SRBD1: variants seen among roughly 807,000 people sequenced by gnomAD.
SRBD1 encodes the protein S1 RNA binding domain 1.
In SRBD1, 88 loss-of-function variants were observed where a neutral mutation model predicts 115.3. The ratio of observed to expected loss-of-function variants is 0.76; its 90% confidence interval spans 0.64 to 0.91. The LOEUF (loss-of-function observed/expected upper bound fraction) is 0.91. Ranked by LOEUF, SRBD1 falls within the 40% of genes least tolerant of loss-of-function variation. SRBD1 has a pLI of 0.00. For synonymous variants in SRBD1, 509 were observed against 407.7 expected (o/e 1.25, Z -2.99); for missense variants, 1,385 against 1,177.4 (o/e 1.18, Z -2.58).
intron 11 of SRBD1, among the ~76,000 whole-genome samples, chr2:45,551,605 C>T (rs558273982): frequency 2.0e-5 from 3 of 152,056 alleles, no homozygotes; most frequent in African/African-American, 7.2e-5. Context: ...ATTTGAATGT[C>T]ACATGGGATG....
At chr2:45,597,111 G>A (rs540781886) in intron 4 of SRBD1, among the ~76,000 whole-genome samples, 1 of 152,128 alleles carries the variant, frequency 6.6e-6, no homozygotes, top group East Asian at 1.9e-4. Context: ...CAGCCAATCA[G>A]ACTTTCTTCT....
intron 15 of SRBD1, among the ~76,000 whole-genome samples, chr2:45,480,234 T>C (rs1368585458): frequency 1.3e-5 from 2 of 152,190 alleles, no homozygotes; most frequent in African/African-American, 4.8e-5. Flanking sequence ...TAATTTTGAC[T>C]TTCAAGTCTT....
At chr2:45,498,806 T>C (rs183227902) in intron 14 of SRBD1, among the ~76,000 whole-genome samples, 349 of 152,306 alleles carry the variant, frequency 2.3e-3, no homozygotes, top group Non-Finnish European at 3.8e-3. Flanking sequence ...CCATCCAGGC[T>C]GCTGCAAATG....
intron 15 of SRBD1, among the ~76,000 whole-genome samples, chr2:45,486,999 G>A (rs976883870): frequency 1.3e-5 from 2 of 152,112 alleles, no homozygotes; most frequent in African/African-American, 4.8e-5. Context: ...CTGAGCTGCT[G>A]TGCTAAGAAG....
intron 15 of SRBD1, among the ~76,000 whole-genome samples, chr2:45,479,360 T>C (rs1009064693): frequency 6.6e-6 from 1 of 152,224 alleles, no homozygotes; most frequent in Non-Finnish European, 1.5e-5. Flanking sequence ...GGTAGGCCTC[T>C]TGGGTCAGTT....
At chr2:45,436,780 A>C (rs1336337052) in intron 16 of SRBD1, among the ~76,000 whole-genome samples, 3 of 152,158 alleles carry the variant, frequency 2.0e-5, no homozygotes, top group Non-Finnish European at 4.4e-5. Flanking sequence ...TCATGATGAG[A>C]TTTGGGTGGG....
chr2:45,541,834 G>A (rs1486442821), intron 14 of SRBD1, among the ~76,000 whole-genome samples: 2 of 152,254 alleles, frequency 1.3e-5, no homozygotes. Context: ...GTCTGGCTGA[G>A]TCCAGGGTTT....
At chr2:45,582,707 C>T (rs1673402560) in intron 5 of SRBD1, among the ~76,000 whole-genome samples, 2 of 152,132 alleles carry the variant, frequency 1.3e-5, no homozygotes. Context: ...TGACATGTAT[C>T]TGTCATTCTG....
chr2:45,551,176 C>T lies in SRBD1; in HGVS notation c.1624G>A (p.Val542Met), dbSNP rs1672285906. The change falls in exon 12 of 21, where the codon GTG becomes ATG. Residue 542 changes from valine (V) to methionine (M), a missense_variant. Val to Met is a conservative substitution (Grantham distance 21, BLOSUM62 1). Transcript: ENST00000263736. ...SPVPGRTLMG[V>M]DPGYKHGCKL... ...CAACCATGTTTATAACCAGGATCCA[C>T]TCCCATTAAGGTGCGCCCTGGAACA... 1.2e-6 allele frequency: 2 copies of T among 1,611,488 alleles called. No individual in the cohort carries two copies. Among genetic ancestry groups the T allele is most frequent in the Non-Finnish European group, 1.7e-6 (2 of 1,179,432 alleles).
chr2:45,506,776 A>G (rs1670812010), intron 14 of SRBD1, among the ~76,000 whole-genome samples: 1 of 152,208 alleles, frequency 6.6e-6, no homozygotes, highest in Admixed American at 6.5e-5. Flanking sequence ...TCTCACACGT[A>G]TGTTCTACAG....
intron 14 of SRBD1, among the ~76,000 whole-genome samples, chr2:45,543,084 G>A (rs954655861): frequency 6.6e-6 from 1 of 152,130 alleles, no homozygotes; most frequent in Non-Finnish European, 1.5e-5. Flanking sequence ...TTAAACAAAT[G>A]ACCCATAAAA....
chr2:45,444,651 G>T (rs999727826), intron 16 of SRBD1, among the ~76,000 whole-genome samples: 7 of 152,144 alleles, frequency 4.6e-5, no homozygotes, highest in African/African-American at 1.4e-4. Context: ...TTCTTCTTTA[G>T]TTAAAAATAA....
chr2:45,597,277 A>G (rs1400532941), intron 4 of SRBD1, among the ~76,000 whole-genome samples: 2 of 152,046 alleles, frequency 1.3e-5, no homozygotes, highest in African/African-American at 4.8e-5. Flanking sequence ...AAAATTAGCC[A>G]GGCGTGGTGG....
intron 16 of SRBD1, among the ~76,000 whole-genome samples, chr2:45,462,908 A>T (rs1669362850): frequency 6.7e-6 from 1 of 149,498 alleles, no homozygotes; most frequent in Non-Finnish European, 1.5e-5. Context: ...GTTGTTCAAA[A>T]CGACAACACA....
chr2:45,525,373 T>C (rs1671409292), intron 14 of SRBD1, among the ~76,000 whole-genome samples: 1 of 151,994 alleles, frequency 6.6e-6, no homozygotes, highest in Admixed American at 6.6e-5. Flanking sequence ...TGGCATAAAA[T>C]ATCTGCAAAT....
intron 9 of SRBD1, among the ~76,000 whole-genome samples, chr2:45,564,736 C>T (rs1672773878): frequency 1.3e-5 from 2 of 152,108 alleles, no homozygotes; most frequent in Non-Finnish European, 2.9e-5. Flanking sequence ...GTTTAAACTG[C>T]ATGTGTTGAC....
intron 19 of SRBD1, among the ~76,000 whole-genome samples, chr2:45,408,321 G>A (rs1430738437): frequency 1.3e-5 from 2 of 152,184 alleles, no homozygotes; most frequent in South Asian, 4.1e-4. Flanking sequence ...GGATAATGGG[G>A]ATGGTAAGAT....
At chr2:45,410,252 AC>A (rs1480060394) in intron 19 of SRBD1, among the ~76,000 whole-genome samples, 3 of 152,226 alleles carry the variant, frequency 2.0e-5, no homozygotes, top group African/African-American at 7.2e-5. Flanking sequence ...ATGTCACATG[AC>A]AAAAATGCAA....
intron 16 of SRBD1, among the ~76,000 whole-genome samples, chr2:45,448,367 C>CATTATGA (rs1668890992): frequency 6.6e-6 from 1 of 152,086 alleles, no homozygotes; most frequent in Non-Finnish European, 1.5e-5. Context: ...AACAAAAAAA[C>CATTATGA]ATTATGATCA....
Sources: gnomAD v4.1 joint callset for allele counts (sites outside exome capture counted in the v4.1 genomes callset) on GRCh38, gnomAD v4.1.1 for gene constraint, MANE v1.5 for transcripts, NCBI Gene and HGNC (gene_info 2026-07-23, HGNC 2026-07-21) for gene names.